The following SDC1 variants were observed in gnomAD, a reference collection of about 807,000 sequenced individuals.
The protein encoded by SDC1 is syndecan-1.
A neutral mutation model predicts 29.7 loss-of-function variants in SDC1; 14 were observed. The ratio of observed to expected loss-of-function variants is 0.47; its 90% CI spans 0.31 to 0.74. The LOEUF is 0.74. Among genes scored for constraint, SDC1 ranks in the 30% least tolerant of loss-of-function variants. SDC1 has a pLI of 0.05. For missense variants in SDC1, 406 were observed against 400.3 expected (o/e 1.01, Z -0.12); for synonymous variants, 204 against 175.5 (o/e 1.16, Z -1.29).
In SDC1 at chr2:20,203,678, G is replaced by A. The variant is rs909604749; in HGVS notation, c.627+135C>T. 3 of 710,428 alleles carry A rather than the reference G, an allele frequency of 4.2e-6. No individual in the cohort carries two copies. In the Admixed American group the frequency reaches 7.2e-5, roughly 17 times the overall value. The allele number at this position is 710,428 out of a possible 1,614,324, so 44.0% of individuals were successfully genotyped here. On this transcript the variant is annotated intron_variant, in intron 3 of 4. Coordinates refer to ENST00000254351, the MANE Select transcript of SDC1 (RefSeq NM_002997.5). ...CTCTGGGCGAGGCCCTGGGGGTAGGGGAAGGCGGGCCCCTGTGCCCTGTCT... is the reference window on the plus strand; with the variant it reads ...CTCTGGGCGAGGCCCTGGGGGTAGGAGAAGGCGGGCCCCTGTGCCCTGTCT...
chr2:20,221,794 G>A (rs1013537603), intron 1 of SDC1, among the ~76,000 whole-genome samples: 4 of 152,032 alleles, frequency 2.6e-5, no homozygotes, highest in Non-Finnish European at 4.4e-5. Context: ...AGGTTTTACT[G>A]GAACCCATCA....
chr2:20,202,202 G>A lies in SDC1; in HGVS notation c.*564C>T, dbSNP rs1677032686. On this transcript the variant is annotated 3_prime_UTR_variant, in exon 5 of 5. Coordinates refer to ENST00000254351, the MANE Select transcript of SDC1 (RefSeq NM_002997.5). ...GAATCAACTTACTTAACTTACCTCA[G>A]AAGTAACAAGGTCTACTGGGCTATG... The A allele has an allele frequency of 1.4e-6, 1 of 739,736 alleles. No homozygotes were observed. Among genetic ancestry groups the A allele is most frequent in the Non-Finnish European group, 2.5e-6 (1 of 399,560 alleles). The allele number at this position is 739,736 out of a possible 1,614,324, so 45.8% of individuals were successfully genotyped here.
Position 20,203,798 on chromosome 2 carries a change from G to A in SDC1, c.627+15C>T, listed in dbSNP as rs1389322661. On this transcript the variant is annotated intron_variant, in intron 3 of 4. Coordinates refer to ENST00000254351, the MANE Select transcript of SDC1 (RefSeq NM_002997.5). ...CAACCCACTCAATTTCCCAAGGAAT[G>A]CAGAGGCCACTCACCTGCTCCCCAG... 2 of 1,541,268 alleles carry A rather than the reference G, an allele frequency of 1.3e-6. No individual in the cohort carries two copies. Among genetic ancestry groups the A allele is most frequent in the South Asian group, 1.2e-5 (1 of 85,128 alleles).
At chr2:20,209,742 G>A (rs945229940) in intron 1 of SDC1, among the ~76,000 whole-genome samples, 5 of 152,356 alleles carry the variant, frequency 3.3e-5, no homozygotes, top group South Asian at 2.1e-4. Flanking sequence ...GGCAACCTCC[G>A]TCTCAGCAGA....
intron 1 of SDC1, among the ~76,000 whole-genome samples, chr2:20,222,923 G>A (rs1253464465): frequency 2.0e-5 from 3 of 152,156 alleles, no homozygotes; most frequent in African/African-American, 4.8e-5. Flanking sequence ...GCGAGAATGG[G>A]GCAGTGAGGT....
chr2:20,221,631 A>G (rs1677822412), intron 1 of SDC1, among the ~76,000 whole-genome samples: 1 of 152,228 alleles, frequency 6.6e-6, no homozygotes, highest in Admixed American at 6.5e-5. Context: ...AAATATGAAT[A>G]CACAGGACAC....
Position 20,224,877 on chromosome 2 carries a change from A to G in SDC1, c.-10T>C. Reference sequence around the variant, plus strand: ...GCGCCGCGCGCCTCATGCTGCCCGGACCGGCGGCGGGAGAGCGGCAGGCTG... The same window carrying G: ...GCGCCGCGCGCCTCATGCTGCCCGGGCCGGCGGCGGGAGAGCGGCAGGCTG... On this transcript the variant is annotated 5_prime_UTR_variant, in exon 1 of 5. Coordinates refer to ENST00000254351, the MANE Select transcript of SDC1 (RefSeq NM_002997.5). The surrounding 1 kb of genome is among the most constrained non-coding windows in gnomAD (Gnocchi z 4.9). 1 of 1,222,306 alleles carries G rather than the reference A, an allele frequency of 8.2e-7. No homozygotes were observed. Among genetic ancestry groups the G allele is most frequent in the Non-Finnish European group, 1.0e-6 (1 of 982,858 alleles). 75.7% of individuals were successfully genotyped at this position (1,222,306 alleles called of 1,614,324 possible). A position where few individuals can be genotyped will look rare whatever the true frequency, so the allele number is the denominator to read the frequency against.
rs529169448 is a variant in SDC1, at chr2:20,202,946, T to C, written c.764-11A>G. ...CTCCGGCAATGACCCCTAGGGCAGG[T>C]AGACGGGGCCAGCTCAGCTCAGCGG... On this transcript the variant is annotated splice_polypyrimidine_tract_variant and intron_variant, in intron 4 of 4. Coordinates refer to ENST00000254351, the MANE Select transcript of SDC1 (RefSeq NM_002997.5). 1.6e-5 allele frequency: 26 copies of C among 1,601,538 alleles called. No individual in the cohort carries two copies. In the South Asian group the frequency reaches 2.3e-4, roughly 14 times the overall value.
intron 1 of SDC1, among the ~76,000 whole-genome samples, chr2:20,223,748 GCCC>G (rs1391070967): frequency 6.6e-6 from 1 of 152,234 alleles, no homozygotes; most frequent in Admixed American, 6.5e-5. Context: ...AGAACAAAGC[GCCC>G]CCATTGGGGA....
chr2:20,215,524 A>G (rs1677601063), intron 1 of SDC1, among the ~76,000 whole-genome samples: 1 of 152,226 alleles, frequency 6.6e-6, no homozygotes, highest in South Asian at 2.1e-4. Context: ...ATTCACACAG[A>G]GTGACTCCAC....
In SDC1 at chr2:20,211,901, G is replaced by A. The variant is rs191026726; in HGVS notation, c.67-6477C>T. Among the ~76,000 whole-genome samples the A allele has an allele frequency of 3.1e-3, 468 of 152,320 alleles. 4 individuals are homozygous for A. The highest frequency in any genetic ancestry group is 0.011 in the African/African-American group (438 of 41,558). ...CTTTCCTTCAGCCTGGACTGAAAAC[G>A]GCCTAAGCACTGAGCAGGCAGGTCA... is the stretch of plus-strand genomic sequence containing the variant. On this transcript the variant is annotated intron_variant, in intron 1 of 4. Transcript: ENST00000254351.
chr2:20,207,056 A>G (rs1340455395), intron 1 of SDC1, among the ~76,000 whole-genome samples: 7 of 152,260 alleles, frequency 4.6e-5, no homozygotes, highest in Non-Finnish European at 1.0e-4. Context: ...CCTCAGCCCA[A>G]GAGGCCTTGC....
intron 2 of SDC1, among the ~76,000 whole-genome samples, chr2:20,204,724 C>T (rs1229680943): frequency 6.6e-6 from 1 of 152,150 alleles, no homozygotes; most frequent in Non-Finnish European, 1.5e-5. Context: ...TTGCAGCTCT[C>T]AGGCCTCCGC....
chr2:20,219,288 G>C (rs187706078), intron 1 of SDC1, among the ~76,000 whole-genome samples: 2 of 152,204 alleles, frequency 1.3e-5, no homozygotes, highest in East Asian at 3.9e-4. Context: ...CGGTGCACCT[G>C]TCTCAGGAAT....
At chr2:20,220,351 C>T (rs1000774287) in intron 1 of SDC1, among the ~76,000 whole-genome samples, 4 of 152,082 alleles carry the variant, frequency 2.6e-5, no homozygotes, top group African/African-American at 9.7e-5. Context: ...CACACCATAC[C>T]CATACACATG....
At chr2:20,220,511 A>G (rs900357923) in intron 1 of SDC1, among the ~76,000 whole-genome samples, 1 of 152,242 alleles carries the variant, frequency 6.6e-6, no homozygotes. Context: ...TAAGAATGAA[A>G]GAAAAGTACT....
At chr2:20,207,922 C>G (rs1318441162) in intron 1 of SDC1, 1 of 982,782 alleles carries the variant, frequency 1.0e-6, no homozygotes, top group Non-Finnish European at 1.2e-6. Flanking sequence ...CCCACCCATA[C>G]TCACTGGGAT....
intron 1 of SDC1, among the ~76,000 whole-genome samples, chr2:20,216,679 G>C (rs763862951): frequency 6.6e-6 from 1 of 152,204 alleles, no homozygotes; most frequent in Non-Finnish European, 1.5e-5. Context: ...GCCACCACTG[G>C]TATTGGTAGC....
At chr2:20,212,689 T>C (rs1315800771) in intron 1 of SDC1, among the ~76,000 whole-genome samples, 1 of 152,006 alleles carries the variant, frequency 6.6e-6, no homozygotes, top group Non-Finnish European at 1.5e-5. Flanking sequence ...GCCGAGGGTA[T>C]GACAGGCAGG....
Sources: gnomAD v4.1 joint callset for allele counts (sites outside exome capture counted in the v4.1 genomes callset) on GRCh38, gnomAD v4.1.1 for gene constraint, Gnocchi (gnomAD v3.1) non-coding constraint, MANE v1.5 for transcripts, NCBI Gene and HGNC (gene_info 2026-07-23, HGNC 2026-07-21) for gene names.